The following NEK10 variants were observed in gnomAD, a reference collection of about 807,000 sequenced individuals.
NEK10 encodes the protein serine/threonine-protein kinase Nek10.
NEK10 carries 122 observed loss-of-function variants against 159.8 expected under a neutral mutation model. That is an observed-to-expected ratio of 0.76 (90% CI 0.66 to 0.89). The LOEUF (loss-of-function observed/expected upper bound fraction) is 0.89, where lower values mean the gene tolerates loss of function less well. Ranked by LOEUF, NEK10 falls within the 40% of genes least tolerant of loss-of-function variation. The probability of loss-of-function intolerance (pLI) is 0.00; values close to 1 mark genes in which losing one functional copy is unlikely to be tolerated. For synonymous variants in NEK10, 466 were observed against 457.1 expected (o/e 1.02, Z -0.25); for missense variants, 1,342 against 1,323.1 (o/e 1.01, Z -0.22).
chr3:27,143,524 T>C, intron 30 of NEK10: 1 of 736,212 alleles, frequency 1.4e-6, no homozygotes, highest in South Asian at 1.5e-5. Context: ...TCTGAATTAA[T>C]CAACTATGCA....
chr3:27,262,471 A>G (rs961433868), intron 22 of NEK10, among the ~76,000 whole-genome samples: 5 of 152,240 alleles, frequency 3.3e-5, no homozygotes, highest in African/African-American at 1.2e-4. Flanking sequence ...AGATACACCA[A>G]TCAGACGTAG....
rs749673512 is a variant in NEK10, at chr3:27,287,768, T to G, written c.1744-25A>C. On this transcript the variant is annotated intron_variant, in intron 19 of 35. Transcript: ENST00000691995. ...GCTATAAGAAAATAAATAACAAACA[T>G]GTATTGCACTGCTTCAAAATACAAG... The G allele has an allele frequency of 2.7e-6, 4 of 1,507,476 alleles. No homozygotes were observed. The East Asian group carries it at 7.8e-5, about 29-fold the overall frequency. 93.4% of individuals were successfully genotyped at this position (1,507,476 alleles called of 1,614,324 possible). A position where few individuals can be genotyped will look rare whatever the true frequency, so the allele number is the denominator to read the frequency against.
At chr3:27,204,275 C>CTTTTTTTTTTTTTTTTTTTTTTTTTTTTT (rs1203026508) in intron 23 of NEK10, among the ~76,000 whole-genome samples, 18 of 63,940 alleles carry the variant, frequency 2.8e-4, no homozygotes, top group South Asian at 6.0e-4. Context: ...GATAAATTTT[C>CTTTTTTTTTTTTTTTTTTTTTTTTTTTTT]TTTTTTTTTT....
intron 23 of NEK10, chr3:27,215,972 G>A: frequency 3.9e-6 from 2 of 510,974 alleles, no homozygotes; most frequent in Admixed American, 3.3e-5. Flanking sequence ...CTCCCACCAG[G>A]CTCCACCTCT....
chr3:27,233,968 C>T (rs565541127), intron 23 of NEK10, among the ~76,000 whole-genome samples: 191 of 151,908 alleles, frequency 1.3e-3, no homozygotes, highest in African/African-American at 4.4e-3. Context: ...GTTCAACATA[C>T]GCAAATCAAT....
In NEK10 at chr3:27,165,839, G is replaced by C. The variant is rs75659454; in HGVS notation, c.2832-3101C>G. ...TTTCGCTGAATTAAGTCAAGAGCAC[G>C]GTGAATTATTTGGATAATAATTTTG... On this transcript the variant is annotated intron_variant, in intron 29 of 35. Coordinates refer to ENST00000691995, the MANE Select transcript of NEK10 (RefSeq NM_001394966.1). Among the ~76,000 whole-genome samples the C allele has an allele frequency of 6.3e-3, 954 of 152,276 alleles. 14 individuals carry two copies. Among genetic ancestry groups the C allele is most frequent in the African/African-American group, 0.022 (910 of 41,550 alleles).
chr3:27,295,788 A>G, intron 14 of NEK10, 98 bp from the exon 15 acceptor site: 1 of 1,377,508 alleles, frequency 7.3e-7, no homozygotes, highest in Non-Finnish European at 9.5e-7. Context: ...ATATCAAAGA[A>G]GAAATATTAG....
At chr3:27,124,020 G>C (rs948448276) in intron 32 of NEK10, among the ~76,000 whole-genome samples, 1 of 152,052 alleles carries the variant, frequency 6.6e-6, no homozygotes, top group African/African-American at 2.4e-5. Context: ...TGTGTTGTGT[G>C]TGTGTGTGTA....
At chr3:27,256,474 C>G in intron 22 of NEK10, 103 bp from the exon 23 acceptor site, 1 of 482,568 alleles carries the variant, frequency 2.1e-6, no homozygotes, top group Non-Finnish European at 3.5e-6. Flanking sequence ...ACTTCATAAC[C>G]AAAGGCTTTT....
intron 23 of NEK10, among the ~76,000 whole-genome samples, chr3:27,250,987 T>G (rs1955599924): frequency 6.6e-6 from 1 of 152,304 alleles, no homozygotes; most frequent in South Asian, 2.1e-4. Context: ...CCTTTCAAAC[T>G]TTAGACTAAC....
intron 22 of NEK10, among the ~76,000 whole-genome samples, chr3:27,272,992 A>T (rs6788502): frequency 1.3e-5 from 2 of 152,058 alleles, no homozygotes; most frequent in African/African-American, 2.4e-5. Context: ...TAAGGAAAAC[A>T]GCTGATTGGG....
At chr3:27,207,552 A>T (rs527754920) in intron 23 of NEK10, among the ~76,000 whole-genome samples, 1 of 152,318 alleles carries the variant, frequency 6.6e-6, no homozygotes, top group East Asian at 1.9e-4. Flanking sequence ...AGTCTATTTT[A>T]GAAATAAATA....
chr3:27,162,828 A>G (rs1177347574), intron 29 of NEK10, 90 bp from the exon 30 acceptor site: 12 of 1,547,714 alleles, frequency 7.8e-6, no homozygotes, highest in Non-Finnish European at 7.9e-6. Context: ...TCTACATTAT[A>G]AAGATTAATA....
intron 32 of NEK10, among the ~76,000 whole-genome samples, chr3:27,131,010 T>C (rs1163592920): frequency 2.6e-5 from 4 of 152,196 alleles, no homozygotes; most frequent in Non-Finnish European, 5.9e-5. Flanking sequence ...CTAAAGAATG[T>C]TGTTTGCATT....
intron 35 of NEK10, among the ~76,000 whole-genome samples, chr3:27,111,881 T>G (rs562861190): frequency 2.6e-5 from 4 of 152,252 alleles, no homozygotes; most frequent in Non-Finnish European, 2.9e-5. Context: ...TAAATGCTTA[T>G]GTATATAAAA....
At chr3:27,116,665 T>C (rs73153164) in intron 33 of NEK10, among the ~76,000 whole-genome samples, 3,629 of 152,068 alleles carry the variant, frequency 0.024, 138 homozygotes, top group African/African-American at 0.082. Context: ...TTATTATTAT[T>C]ATCATCATCA....
Position 27,244,325 on chromosome 3 carries a change from G to A in NEK10, c.2090+11971C>T, listed in dbSNP as rs536061878. On this transcript the variant is annotated intron_variant, in intron 23 of 35. Transcript: ENST00000691995. ...GCATTGAACATCCCCTAGCAGGGAT[G>A]TGGCCCTATTCTACTAGTTGCCCAG... 1.2e-4 allele frequency among the ~76,000 whole-genome samples: 19 copies of A among 152,330 alleles called. 1 individual carries two copies. Among genetic ancestry groups the A allele is most frequent in the African/African-American group, 4.3e-4 (18 of 41,576 alleles).
At chr3:27,326,876 G>T (rs997430641) in intron 5 of NEK10, among the ~76,000 whole-genome samples, 4 of 152,180 alleles carry the variant, frequency 2.6e-5, no homozygotes, top group African/African-American at 9.7e-5. Context: ...TGCAAGGACG[G>T]AGCACATGGG....
intron 23 of NEK10, among the ~76,000 whole-genome samples, chr3:27,207,924 T>C (rs1232318625): frequency 2.0e-5 from 3 of 152,196 alleles, no homozygotes; most frequent in Non-Finnish European, 4.4e-5. Context: ...TGCCAGTAAG[T>C]ACCATTTATT....
Sources: gnomAD v4.1 joint callset for allele counts (sites outside exome capture counted in the v4.1 genomes callset) on GRCh38, gnomAD v4.1.1 for gene constraint, MANE v1.5 for transcripts, NCBI Gene and HGNC (gene_info 2026-07-23, HGNC 2026-07-21) for gene names.